Variants in CADM2 observed in about 807,000 individuals in gnomAD.
CADM2 encodes the protein immunoglobulin superfamily member 4D.
CADM2 carries 12 observed loss-of-function variants against 49.8 expected under a neutral mutation model. That is an observed-to-expected ratio of 0.24 (90% confidence interval 0.15 to 0.39). The LOEUF is 0.39. Among genes scored for constraint, CADM2 ranks in the 10% least tolerant of loss-of-function variants. CADM2 has a pLI of 1.00. For missense variants in CADM2, 378 were observed against 492.3 expected, an observed-to-expected ratio of 0.77 and a Z score of 2.20; for synonymous variants, 214 against 175.4, an observed-to-expected ratio of 1.22 and a Z score of -1.74.
intron 1 of CADM2, among the ~76,000 whole-genome samples, chr3:85,607,159 G>A (rs773925635): frequency 1.2e-4 from 18 of 152,062 alleles, no homozygotes; most frequent in Non-Finnish European, 2.5e-4. Context: ...AGAAGATGAA[G>A]ACATTAACAT....
At chr3:85,730,753 A>AT (rs2067898186) in intron 2 of CADM2, among the ~76,000 whole-genome samples, 1 of 152,140 alleles carries the variant, frequency 6.6e-6, no homozygotes, top group Admixed American at 6.5e-5. Flanking sequence ...AAATGTTACA[A>AT]TTTTTTAAAT....
intron 1 of CADM2, among the ~76,000 whole-genome samples, chr3:84,999,167 A>T (rs1391033270): frequency 1.3e-5 from 2 of 152,190 alleles, no homozygotes; most frequent in East Asian, 3.9e-4. Flanking sequence ...TGTTAGCTTT[A>T]TGTAGGGAAT....
At chr3:85,106,049 C>G (rs2038211241) in intron 1 of CADM2, among the ~76,000 whole-genome samples, 1 of 151,960 alleles carries the variant, frequency 6.6e-6, no homozygotes, top group Non-Finnish European at 1.5e-5. Flanking sequence ...ACATATGTAA[C>G]AAACCTGCAC....
chr3:85,989,129 G>T (rs569220137), intron 8 of CADM2, among the ~76,000 whole-genome samples: 1 of 152,006 alleles, frequency 6.6e-6, no homozygotes, highest in African/African-American at 2.4e-5. Context: ...TGTTACTCTG[G>T]ATGTCAGCAG....
intron 2 of CADM2, among the ~76,000 whole-genome samples, chr3:85,731,892 C>T (rs1218674970): frequency 1.3e-5 from 2 of 151,602 alleles, no homozygotes; most frequent in East Asian, 3.9e-4. Flanking sequence ...GTAATGAGGC[C>T]ATAATATATT....
At chr3:84,980,977 AT>A (rs142858661) in intron 1 of CADM2, among the ~76,000 whole-genome samples, 55 of 151,702 alleles carry the variant, frequency 3.6e-4, no homozygotes, top group Admixed American at 9.2e-4. Context: ...TAATATAGGA[AT>A]TTTTTTTTAT....
chr3:85,061,065 A>G (rs980407158), intron 1 of CADM2, among the ~76,000 whole-genome samples: 2 of 152,282 alleles, frequency 1.3e-5, no homozygotes, highest in Admixed American at 6.5e-5. Context: ...TCAGAAATAA[A>G]AGACAATTGT....
At chr3:85,082,636 C>T (rs531811213) in intron 1 of CADM2, among the ~76,000 whole-genome samples, 1 of 152,168 alleles carries the variant, frequency 6.6e-6, no homozygotes, top group South Asian at 2.1e-4. Context: ...TGCCGGGGTG[C>T]TTGAATACAT....
intron 1 of CADM2, among the ~76,000 whole-genome samples, chr3:85,465,798 C>T (rs2038465581): frequency 1.3e-5 from 2 of 152,248 alleles, no homozygotes; most frequent in South Asian, 4.2e-4. Flanking sequence ...ATTAAATGAA[C>T]ACAGTGACTT....
chr3:85,338,793 G>T (rs2045161252), intron 1 of CADM2, among the ~76,000 whole-genome samples: 1 of 151,354 alleles, frequency 6.6e-6, no homozygotes. Context: ...ACCAAATTTT[G>T]GCTCTAGATT....
At chr3:85,936,280 T>C (rs1436433149) in intron 7 of CADM2, among the ~76,000 whole-genome samples, 1 of 151,842 alleles carries the variant, frequency 6.6e-6, no homozygotes, top group African/African-American at 2.4e-5. Context: ...GAAAATCGAA[T>C]CTATATTTCT....
chr3:85,618,904 A>G (rs1040507444), intron 1 of CADM2, among the ~76,000 whole-genome samples: 3 of 151,984 alleles, frequency 2.0e-5, no homozygotes, highest in African/African-American at 7.2e-5. Context: ...AAAGAGGCAT[A>G]GTTGTGGGTG....
intron 1 of CADM2, among the ~76,000 whole-genome samples, chr3:85,234,175 A>T (rs939524548): frequency 1.3e-5 from 2 of 152,060 alleles, no homozygotes; most frequent in Non-Finnish European, 2.9e-5. Flanking sequence ...TTGATTATAG[A>T]TCCTCTTTAC....
chr3:85,599,053 A>G (rs2063327592), intron 1 of CADM2, among the ~76,000 whole-genome samples: 1 of 151,978 alleles, frequency 6.6e-6, no homozygotes, highest in African/African-American at 2.4e-5. Flanking sequence ...TGAGTTGCAC[A>G]AAGAACTATT....
At chr3:85,967,398 G>A (rs1186873776) in intron 8 of CADM2, among the ~76,000 whole-genome samples, 1 of 151,558 alleles carries the variant, frequency 6.6e-6, no homozygotes, top group South Asian at 2.1e-4. Flanking sequence ...TTCCTTTAGA[G>A]TTGTCAGTAC....
At chr3:85,217,303 G>A (rs2041949597) in intron 1 of CADM2, among the ~76,000 whole-genome samples, 1 of 151,842 alleles carries the variant, frequency 6.6e-6, no homozygotes, top group Non-Finnish European at 1.5e-5. Flanking sequence ...TAGCAAATTT[G>A]ATTAATTTAG....
At chr3:85,156,356 A>C (rs1461278501) in intron 1 of CADM2, among the ~76,000 whole-genome samples, 1 of 152,198 alleles carries the variant, frequency 6.6e-6, no homozygotes, top group Non-Finnish European at 1.5e-5. Context: ...CTCTACACAA[A>C]TAAACTAGAA....
chr3:86,021,426 G>A (rs1733161976), intron 8 of CADM2, among the ~76,000 whole-genome samples: 1 of 152,090 alleles, frequency 6.6e-6, no homozygotes, highest in Admixed American at 6.5e-5. Flanking sequence ...CTTAGCTTAA[G>A]ATAGAAATTC....
At chr3:85,023,173 A>G (rs1297916532) in intron 1 of CADM2, among the ~76,000 whole-genome samples, 1 of 152,126 alleles carries the variant, frequency 6.6e-6, no homozygotes, top group Non-Finnish European at 1.5e-5. Flanking sequence ...TAGAAAAAAG[A>G]CATGCCAAAG....
Sources: allele counts gnomAD v4.1 joint callset (sites outside exome capture counted in the v4.1 genomes callset), GRCh38; gene constraint gnomAD v4.1.1; transcripts MANE v1.5; gene names NCBI Gene and HGNC (gene_info 2026-07-23, HGNC 2026-07-21).